The following SUGT1 variants were observed in gnomAD, a reference collection of about 807,000 sequenced individuals.
The protein encoded by SUGT1 is protein SGT1 homolog.
In SUGT1, 15 loss-of-function variants were observed where a neutral mutation model predicts 56.1. The observed-to-expected ratio is 0.27, with a 90% CI of 0.18 to 0.41. The LOEUF (loss-of-function observed/expected upper bound fraction) is 0.41, where lower values mean the gene tolerates loss of function less well. Ranked by LOEUF, SUGT1 falls within the 10% of genes least tolerant of loss-of-function variation. SUGT1 has a pLI of 1.00. For synonymous variants in SUGT1, 123 were observed against 128.6 expected (o/e 0.96, Z 0.30); for missense variants, 347 against 382.2 (o/e 0.91, Z 0.77).
At chr13:52,673,244 T>G (rs1963010487) in intron 10 of SUGT1, among the ~76,000 whole-genome samples, 1 of 13,248 alleles carries the variant, frequency 7.5e-5, no homozygotes, top group African/African-American at 2.8e-4. Context: ...TTCTTTTACT[T>G]TTTTTTTTTT....
At position 52,697,481 on chromosome 13, in the gene SUGT1, G is replaced by A. The variant is rs1375819331; in HGVS notation, c.*9646G>A. On this transcript the variant is annotated 3_prime_UTR_variant, in exon 13 of 13. Transcript: ENST00000310528. ...AGGTTTGAGCATATGTAGCAATATG[G>A]AAACAAAGAGTGAGTCAATTTATAA... The A allele has an allele frequency of 6.6e-6, 1 of 152,170 alleles. No homozygotes were observed. Among genetic ancestry groups the A allele is most frequent in the African/African-American group, 2.4e-5 (1 of 41,442 alleles). The allele number at this position is 152,170 out of a possible 1,614,324, so 9.4% of individuals were successfully genotyped here. A position where few individuals can be genotyped will look rare whatever the true frequency, so the allele number is the denominator to read the frequency against.
Position 52,666,916 on chromosome 13 carries a change from A to G in SUGT1, c.624A>G (p.Thr208=), listed in dbSNP as rs766368975. The G allele has an allele frequency of 1.2e-6, 2 of 1,606,616 alleles. No individual in the cohort carries two copies. The highest frequency in any genetic ancestry group is 1.7e-6 in the Non-Finnish European group (2 of 1,175,144). Residue 208 remains threonine (T), a synonymous_variant, in exon 10 of 13, where the codon ACA becomes ACG. Coordinates refer to ENST00000310528, the MANE Select transcript of SUGT1 (RefSeq NM_006704.5). ...PEQSTFKVLS[T]KIEIKLKKPE... is the part of the protein sequence containing the mutation. ...AGAGCACGTTTAAAGTACTTTCAAC[A>G]AAGGTAAGACCATTGAAAAGTTTGT...
intron 12 of SUGT1, 56 bp downstream of exon 12, chr13:52,680,211 C>A: frequency 1.3e-6 from 2 of 1,497,090 alleles, no homozygotes; most frequent in Non-Finnish European, 1.8e-6. Context: ...ATATTTTAAA[C>A]GAGAAAATTG....
At chr13:52,653,153 C>T (rs376933087) in intron 2 of SUGT1, 50 bp downstream of exon 2, 12 of 1,610,018 alleles carry the variant, frequency 7.5e-6, no homozygotes, top group Middle Eastern at 1.9e-4. Flanking sequence ...GGAGCTGGGC[C>T]ACTTCGGGTC....
Position 52,674,501 on chromosome 13 carries a change from C to G in SUGT1, c.628-1729C>G, listed in dbSNP as rs1963067257. ...CTGATTAAAAATATTGGCAGTTTTT[C>G]CCTGTGTTAGCGCTTGTTAAGGTAT... On this transcript the variant is annotated intron_variant, in intron 10 of 12. Coordinates refer to ENST00000310528, the MANE Select transcript of SUGT1 (RefSeq NM_006704.5). 1.3e-5 allele frequency among the ~76,000 whole-genome samples: 2 copies of G among 152,052 alleles called. 1 individual carries two copies. Among genetic ancestry groups the G allele is most frequent in the South Asian group, 4.2e-4 (2 of 4,814 alleles).
At position 52,666,901 on chromosome 13, in the gene SUGT1, T is replaced by G; in HGVS notation, c.609T>G (p.Phe203Leu). ...LHPIIPEQSTFKVLSTKIEIK... is the reference protein window; with the variant it reads ...LHPIIPEQSTLKVLSTKIEIK... ...CTATAATACCAGAACAGAGCACGTT[T>G]AAAGTACTTTCAACAAAGGTAAGAC... The change falls in exon 10 of 13, where the codon TTT (phenylalanine) becomes TTG (leucine). Residue 203 changes from phenylalanine (F) to leucine (L), a missense_variant. Transcript: ENST00000310528. 8 of 1,611,572 alleles carry G rather than the reference T, an allele frequency of 5.0e-6. No homozygotes were observed. Among genetic ancestry groups the G allele is most frequent in the Non-Finnish European group, 6.8e-6 (8 of 1,178,756 alleles).
chr13:52,681,732 G>A (rs564034182), intron 12 of SUGT1, among the ~76,000 whole-genome samples: 12 of 151,584 alleles, frequency 7.9e-5, no homozygotes, highest in Admixed American at 7.2e-4. Context: ...CAGCTCAGGC[G>A]TCTGCGGCAA....
At chr13:52,663,216 T>C in intron 7 of SUGT1, 104 bp downstream of exon 7, 1 of 1,191,538 alleles carries the variant, frequency 8.4e-7, no homozygotes, top group South Asian at 1.5e-5. Context: ...ATTTAAATAT[T>C]AAGCAATTCC....
intron 12 of SUGT1, 73 bp downstream of exon 12, chr13:52,680,228 T>C: frequency 1.4e-6 from 2 of 1,420,286 alleles, no homozygotes; most frequent in Non-Finnish European, 1.9e-6. Flanking sequence ...ATTGGTAATG[T>C]GAGACCAAAT....
Position 52,693,189 on chromosome 13 carries a change from T to A in SUGT1, c.*5354T>A, listed in dbSNP as rs561349319. ...ATTTGGTATGCCTTCACATTTGGATTTTTAGTTTTATTTTTACATTGAGAC... is the reference window on the plus strand; with the variant it reads ...ATTTGGTATGCCTTCACATTTGGATATTTAGTTTTATTTTTACATTGAGAC... On this transcript the variant is annotated 3_prime_UTR_variant, in exon 13 of 13. Transcript: ENST00000310528. The A allele has an allele frequency of 2.6e-5, 4 of 152,046 alleles. No homozygotes were observed. In the South Asian group the frequency reaches 8.3e-4, roughly 32 times the overall value. 9.4% of individuals were successfully genotyped at this position (152,046 alleles called of 1,614,324 possible).
At chr13:52,659,119 A>G (rs781148970) in intron 4 of SUGT1, 60 bp from the exon 5 acceptor site, 1 of 1,352,314 alleles carries the variant, frequency 7.4e-7, no homozygotes, top group Non-Finnish European at 1.0e-6. Context: ...TTTTATTTAG[A>G]AAGAAGGTAT....
chr13:52,663,289 C>A (rs189012750), intron 7 of SUGT1, among the ~76,000 whole-genome samples, 177 bp downstream of exon 7: 5 of 152,242 alleles, frequency 3.3e-5, no homozygotes, highest in Admixed American at 1.3e-4. Context: ...ATAGAAGTTT[C>A]CAGTCATGAA....
intron 8 of SUGT1, 135 bp from the exon 9 acceptor site, chr13:52,665,502 C>T: frequency 2.0e-6 from 1 of 492,590 alleles, no homozygotes; most frequent in East Asian, 3.4e-5. Context: ...AAAGTTGTTT[C>T]TGTGAATCAG....
rs1963995611 is a variant in SUGT1, at chr13:52,698,446, A to ATTTT, written c.*10612_*10613insTTTT. On this transcript the variant is annotated 3_prime_UTR_variant, in exon 13 of 13. Coordinates refer to ENST00000310528, the MANE Select transcript of SUGT1 (RefSeq NM_006704.5). ...TCTCTCTTAAAACTTATTTATCCTA[A>ATTTT]TCTTTTTTTTTTTTTTTTTTTTAAG... The ATTTT allele has an allele frequency of 8.7e-5, 3 of 34,350 alleles. No individual in the cohort carries two copies. Among genetic ancestry groups the ATTTT allele is most frequent in the Non-Finnish European group, 1.8e-4 (3 of 16,938 alleles). The allele number at this position is 34,350 out of a possible 1,614,324, so 2.1% of individuals were successfully genotyped here. A position where few individuals can be genotyped will look rare whatever the true frequency, so the allele number is the denominator to read the frequency against.
At chr13:52,670,686 T>TA (rs1962896196) in intron 10 of SUGT1, among the ~76,000 whole-genome samples, 2 of 152,116 alleles carry the variant, frequency 1.3e-5, no homozygotes, top group Admixed American at 1.3e-4. Flanking sequence ...CGGGTGCCTG[T>TA]AGTCCCAGCT....
At chr13:52,677,703 CTGTTAA>C (rs1566192242) in intron 11 of SUGT1, among the ~76,000 whole-genome samples, 4 of 151,890 alleles carry the variant, frequency 2.6e-5, no homozygotes, top group Non-Finnish European at 5.9e-5. Flanking sequence ...TCCAGTTATT[CTGTTAA>C]CCCGTTGTCT....
At chr13:52,664,850 C>T (rs1177833743) in intron 8 of SUGT1, among the ~76,000 whole-genome samples, 1 of 152,092 alleles carries the variant, frequency 6.6e-6, no homozygotes, top group East Asian at 1.9e-4. Context: ...AATAATCCCA[C>T]ATCTAACTTA....
chr13:52,681,848 AAAG>A (rs529181459), intron 12 of SUGT1, among the ~76,000 whole-genome samples: 288 of 149,162 alleles, frequency 1.9e-3, no homozygotes, highest in Non-Finnish European at 3.5e-3. Context: ...AAAAAAAAAA[AAAG>A]AGAGAGAGAG....
rs1963808146 is a variant in SUGT1, at chr13:52,692,416, T to C, written c.*4581T>C. On this transcript the variant is annotated 3_prime_UTR_variant, in exon 13 of 13. Coordinates refer to ENST00000310528, the MANE Select transcript of SUGT1 (RefSeq NM_006704.5). ...ATTCAAGTTAAAGAACTAATTCTTT[T>C]TTTTTTTTTTTTTGAGACAGTCTCA... is the stretch of plus-strand genomic sequence containing the variant. 1 of 120,714 alleles carries C rather than the reference T, an allele frequency of 8.3e-6. No homozygotes were observed. The highest frequency in any genetic ancestry group is 1.7e-5 in the Non-Finnish European group (1 of 58,544). 7.5% of individuals were successfully genotyped at this position (120,714 alleles called of 1,614,324 possible). A position where few individuals can be genotyped will look rare whatever the true frequency, so the allele number is the denominator to read the frequency against.
Sources: allele counts gnomAD v4.1 joint callset (sites outside exome capture counted in the v4.1 genomes callset), GRCh38; gene constraint gnomAD v4.1.1; transcripts MANE v1.5; gene names NCBI Gene and HGNC (gene_info 2026-07-23, HGNC 2026-07-21).